SGPP2: variants seen among roughly 807,000 people sequenced by gnomAD.
The protein encoded by SGPP2 is sphingosine-1-phosphate phosphatase 2.
A neutral mutation model predicts 33.9 loss-of-function variants in SGPP2; 30 were observed. The observed-to-expected ratio is 0.89, with a 90% CI of 0.66 to 1.20. SGPP2 has a LOEUF of 1.20. Among genes scored for constraint, SGPP2 ranks in the 50% most tolerant of loss-of-function variants. The pLI is 0.00. For missense variants in SGPP2, 458 were observed against 532.1 expected, an observed-to-expected ratio of 0.86 and a Z score of 1.37; for synonymous variants, 233 against 225.0, an observed-to-expected ratio of 1.04 and a Z score of -0.32.
At chr2:222,512,766 G>T (rs1698548648) in intron 2 of SGPP2, among the ~76,000 whole-genome samples, 1 of 152,138 alleles carries the variant, frequency 6.6e-6, no homozygotes, top group African/African-American at 2.4e-5. Context: ...TTCACTTACT[G>T]ATATATATTT....
chr2:222,533,795 T>A (rs1045888317), intron 4 of SGPP2, among the ~76,000 whole-genome samples: 16 of 151,990 alleles, frequency 1.1e-4, no homozygotes, highest in African/African-American at 3.6e-4. Context: ...ATTTATTTTT[T>A]TTTTTTTTCT....
At chr2:222,511,192 A>G (rs947957606) in intron 2 of SGPP2, among the ~76,000 whole-genome samples, 12 of 152,184 alleles carry the variant, frequency 7.9e-5, no homozygotes, top group African/African-American at 2.7e-4. Flanking sequence ...AACAGAGCCC[A>G]TGCTGGAAGC....
intron 1 of SGPP2, among the ~76,000 whole-genome samples, chr2:222,435,832 G>T (rs542164593): frequency 6.6e-6 from 1 of 152,338 alleles, no homozygotes; most frequent in Non-Finnish European, 1.5e-5. Flanking sequence ...GGTCGTAGCT[G>T]GTATTGGTGA....
At chr2:222,557,992 C>T (rs1186573325) in intron 4 of SGPP2, among the ~76,000 whole-genome samples, 3 of 152,076 alleles carry the variant, frequency 2.0e-5, no homozygotes, top group East Asian at 3.8e-4. Context: ...GGTGACACCT[C>T]GGTGAAGACG....
chr2:222,478,290 T>C (rs994587383), intron 2 of SGPP2, among the ~76,000 whole-genome samples: 2 of 151,622 alleles, frequency 1.3e-5, no homozygotes, highest in African/African-American at 4.8e-5. Flanking sequence ...TGTGTGTGTG[T>C]GTGTGTATAC....
chr2:222,429,468 CT>C (rs1697120105), intron 1 of SGPP2, among the ~76,000 whole-genome samples: 1 of 152,188 alleles, frequency 6.6e-6, no homozygotes, highest in African/African-American at 2.4e-5. Context: ...TATATTTGAT[CT>C]TTTTTTCTAG....
At chr2:222,440,837 C>G (rs1052854628) in intron 1 of SGPP2, among the ~76,000 whole-genome samples, 1 of 151,882 alleles carries the variant, frequency 6.6e-6, no homozygotes, top group African/African-American at 2.4e-5. Context: ...AGCTTTCAGC[C>G]TAGCAGCGCT....
chr2:222,460,291 T>C lies in SGPP2; in HGVS notation c.220-14277T>C, dbSNP rs1697639219. Reference sequence around the variant, plus strand: ...ACCAATTTTTATTCATCTTCCAGGATGGCCCATGAGACTCCCTGAGTACCC... The same window carrying C: ...ACCAATTTTTATTCATCTTCCAGGACGGCCCATGAGACTCCCTGAGTACCC... On this transcript the variant is annotated intron_variant, in intron 1 of 4. Transcript: ENST00000321276. This position sits in a 1 kb window ranked among gnomAD's most constrained non-coding sequence, Gnocchi z 4.3. 6.6e-6 allele frequency among the ~76,000 whole-genome samples: 1 copy of C among 152,174 alleles called. No homozygotes were observed. Among genetic ancestry groups the C allele is most frequent in the Non-Finnish European group, 1.5e-5 (1 of 68,020 alleles).
At chr2:222,553,811 G>A (rs777012879) in intron 4 of SGPP2, among the ~76,000 whole-genome samples, 1 of 152,202 alleles carries the variant, frequency 6.6e-6, no homozygotes, top group Non-Finnish European at 1.5e-5. Context: ...TGAGTCCAGT[G>A]GAGCTGCCTG....
At chr2:222,517,871 T>C (rs925047958) in intron 2 of SGPP2, among the ~76,000 whole-genome samples, 7 of 152,238 alleles carry the variant, frequency 4.6e-5, no homozygotes, top group African/African-American at 1.7e-4. Flanking sequence ...CCTATTTCAC[T>C]TTAACCAGCC....
intron 1 of SGPP2, among the ~76,000 whole-genome samples, chr2:222,459,287 C>CAGG (rs1223295127): frequency 6.6e-6 from 1 of 151,764 alleles, no homozygotes; most frequent in Non-Finnish European, 1.5e-5. Flanking sequence ...GCTAAGACTA[C>CAGG]AGGCACATGC....
chr2:222,424,679 C>T lies in SGPP2; in HGVS notation c.77C>T (p.Ala26Val). 1 of 1,449,258 alleles carries T rather than the reference C, an allele frequency of 6.9e-7. No individual in the cohort carries two copies. Among genetic ancestry groups the T allele is most frequent in the Admixed American group, 2.4e-5 (1 of 41,056 alleles). The allele number at this position is 1,449,258 out of a possible 1,614,324, so 89.8% of individuals were successfully genotyped here. The change falls in exon 1 of 5, where the codon GCT becomes GTT. Residue 26 changes from alanine (A) to valine (V), a missense_variant. By Grantham distance (64) the Ala-to-Val change is moderately conservative. Transcript: ENST00000321276. The stretch of plus-strand genomic sequence containing the variant: ...CAGCGCCGCTGCGGGCTCTTCCCCG[C>T]TCCGGATGAAGGCCCCCGGGAGAAC... Reference protein sequence around the residue: ...RFQRRCGLFPAPDEGPRENGA... With the variant: ...RFQRRCGLFPVPDEGPRENGA...
intron 4 of SGPP2, among the ~76,000 whole-genome samples, chr2:222,556,438 A>C (rs77568228): frequency 0.31 from 39,972 of 128,722 alleles, 6,681 homozygotes; most frequent in Non-Finnish European, 0.39. Context: ...GTCTCCCCCC[A>C]ACCCCGGCTC....
At chr2:222,538,803 C>A (rs1231008006) in intron 4 of SGPP2, among the ~76,000 whole-genome samples, 1 of 152,042 alleles carries the variant, frequency 6.6e-6, no homozygotes, top group Non-Finnish European at 1.5e-5. Flanking sequence ...GACCAGATCT[C>A]GTGAGAACTC....
intron 2 of SGPP2, among the ~76,000 whole-genome samples, chr2:222,509,226 G>T (rs1025025412): frequency 6.6e-6 from 1 of 152,082 alleles, no homozygotes; most frequent in Non-Finnish European, 1.5e-5. Context: ...CTTCCATGAT[G>T]ACCCAACATA....
intron 4 of SGPP2, among the ~76,000 whole-genome samples, chr2:222,527,994 A>G (rs1316450155): frequency 6.6e-6 from 1 of 152,158 alleles, no homozygotes; most frequent in East Asian, 1.9e-4. Context: ...AGATGTCTAC[A>G]CTGCTGATTA....
intron 1 of SGPP2, among the ~76,000 whole-genome samples, chr2:222,458,345 G>A (rs1176680998): frequency 2.6e-5 from 4 of 152,000 alleles, no homozygotes; most frequent in Non-Finnish European, 5.9e-5. Context: ...GTGAGCCACC[G>A]TGCCTGGCCC....
At chr2:222,523,717 A>G (rs868176930) in intron 3 of SGPP2, among the ~76,000 whole-genome samples, 3 of 150,816 alleles carry the variant, frequency 2.0e-5, no homozygotes, top group East Asian at 1.9e-4. Flanking sequence ...GTTTATTTAT[A>G]TACATATTTA....
In SGPP2 at chr2:222,477,829, C is replaced by T. The variant is rs1473647821; in HGVS notation, c.378+3103C>T. On this transcript the variant is annotated intron_variant, in intron 2 of 4. Coordinates refer to ENST00000321276, the MANE Select transcript of SGPP2 (RefSeq NM_152386.4). This position sits in a 1 kb window ranked among gnomAD's most constrained non-coding sequence, Gnocchi z 6.0. ...CATTATTGGTGGTTATTTTCTGCTTCGGATTCCTCACTTCAAAGCGTCAGA... is the reference window on the plus strand; with the variant it reads ...CATTATTGGTGGTTATTTTCTGCTTTGGATTCCTCACTTCAAAGCGTCAGA... Among the ~76,000 whole-genome samples the T allele has an allele frequency of 6.6e-6, 1 of 152,090 alleles. No homozygotes were observed. Among genetic ancestry groups the T allele is most frequent in the Non-Finnish European group, 1.5e-5 (1 of 68,010 alleles).
Sources: gnomAD v4.1 joint callset for allele counts (sites outside exome capture counted in the v4.1 genomes callset) on GRCh38, gnomAD v4.1.1 for gene constraint, Gnocchi (gnomAD v3.1) non-coding constraint, MANE v1.5 for transcripts, NCBI Gene and HGNC (gene_info 2026-07-23, HGNC 2026-07-21) for gene names.